NAALADL2: variants seen among roughly 807,000 people sequenced by gnomAD.
NAALADL2 encodes inactive N-acetylated-alpha-linked acidic dipeptidase-like protein 2.
A neutral mutation model predicts 87.2 loss-of-function variants in NAALADL2; 76 were observed. The observed-to-expected ratio is 0.87, with a 90% confidence interval of 0.72 to 1.05. NAALADL2 has a LOEUF of 1.05. Among genes scored for constraint, NAALADL2 ranks in the 50% least tolerant of loss-of-function variants. The pLI, the probability that NAALADL2 is intolerant of heterozygous loss-of-function variation, is 0.00. For synonymous variants in NAALADL2, 354 were observed against 331.0 expected (o/e 1.07, Z -0.75); for missense variants, 1,089 against 945.8 (o/e 1.15, Z -1.99).
At chr3:174,710,634 G>C (rs1730539770) in intron 2 of NAALADL2, among the ~76,000 whole-genome samples, 1 of 152,136 alleles carries the variant, frequency 6.6e-6, no homozygotes, top group African/African-American at 2.4e-5. Context: ...AAAGATTTCA[G>C]GCAAAACTGC....
At chr3:175,625,054 G>T (rs745811973) in intron 10 of NAALADL2, among the ~76,000 whole-genome samples, 3 of 151,926 alleles carry the variant, frequency 2.0e-5, no homozygotes, top group Non-Finnish European at 4.4e-5. Flanking sequence ...TCTCTTCCAA[G>T]TCTAAAATAA....
intron 2 of NAALADL2, among the ~76,000 whole-genome samples, chr3:174,657,095 T>C (rs1214742134): frequency 6.7e-6 from 1 of 148,518 alleles, no homozygotes; most frequent in Non-Finnish European, 1.5e-5. Context: ...AACGGTGTGA[T>C]CTTTGCTCAC....
chr3:174,957,666 G>A (rs1447582259), intron 1 of NAALADL2, among the ~76,000 whole-genome samples: 2 of 151,000 alleles, frequency 1.3e-5, no homozygotes, highest in Non-Finnish European at 3.0e-5. Context: ...TGTAATATTT[G>A]CCTCTTTGAT....
chr3:174,780,923 T>A lies in NAALADL2; in HGVS notation c.-9+43177T>A, dbSNP rs958189851. On this transcript the variant is annotated intron_variant, in intron 3 of 3. Transcript: ENST00000434257. ...TTTTTTCAGTGGCTGGTACCGGTTT[T>A]TCCTTTCCATGTTTAGTGCTTCCCT... 3.3e-5 allele frequency among the ~76,000 whole-genome samples: 5 copies of A among 152,118 alleles called. No homozygotes were observed. The East Asian group carries it at 9.6e-4, about 29-fold the overall frequency.
intron 1 of NAALADL2, among the ~76,000 whole-genome samples, chr3:174,981,523 C>A (rs547962100): frequency 1.3e-5 from 2 of 152,164 alleles, no homozygotes; most frequent in African/African-American, 4.8e-5. Context: ...GTACTTGGTT[C>A]TGAAAGAGTA....
intron 9 of NAALADL2, among the ~76,000 whole-genome samples, chr3:175,512,237 C>CA (rs1230659950): frequency 2.0e-5 from 3 of 151,972 alleles, no homozygotes; most frequent in African/African-American, 7.2e-5. Context: ...GAGACAGTTT[C>CA]AAAAACAAAA....
At position 175,496,120 on chromosome 3, in the gene NAALADL2, A is replaced by G. The variant is rs79757816; in HGVS notation, c.1653+24362A>G. Among the ~76,000 whole-genome samples, 13 of 152,252 alleles carry G rather than the reference A, an allele frequency of 8.5e-5. No homozygotes were observed. The East Asian group carries it at 2.5e-3, about 29-fold the overall frequency. ...CAGTCATTAATATGAGATAATGCAA[A>G]TAGTAAGTAAATTTAAATATTAAAA... On this transcript the variant is annotated intron_variant, in intron 9 of 13. Coordinates refer to ENST00000454872, the MANE Select transcript of NAALADL2 (RefSeq NM_207015.3).
Position 174,692,476 on chromosome 3 carries a change from T to C in NAALADL2, c.-114-45165T>C, listed in dbSNP as rs1728666135. 2.6e-5 allele frequency among the ~76,000 whole-genome samples: 4 copies of C among 152,170 alleles called. No homozygotes were observed. In the South Asian group the frequency reaches 8.3e-4, roughly 31 times the overall value. On this transcript the variant is annotated intron_variant, in intron 2 of 3. Coordinates refer to the NAALADL2 transcript ENST00000434257. Reference sequence around the variant, plus strand: ...TTATACAAACTTAAAACAATTTCCATAAACTTTGGCTATTTTTTTGTAATT... The same window carrying C: ...TTATACAAACTTAAAACAATTTCCACAAACTTTGGCTATTTTTTTGTAATT...
intron 1 of NAALADL2, among the ~76,000 whole-genome samples, chr3:174,873,679 T>G (rs1460429886): frequency 6.6e-6 from 1 of 152,122 alleles, no homozygotes. Flanking sequence ...TTTTACATTT[T>G]GAGTCAAATG....
intron 1 of NAALADL2, among the ~76,000 whole-genome samples, chr3:174,530,763 C>G (rs1380852213): frequency 6.6e-6 from 1 of 152,154 alleles, no homozygotes; most frequent in Non-Finnish European, 1.5e-5. Flanking sequence ...CCGGGTCCCT[C>G]CCACAACACG....
intron 1 of NAALADL2, among the ~76,000 whole-genome samples, chr3:174,502,180 C>T (rs2108371214): frequency 6.6e-6 from 1 of 152,210 alleles, no homozygotes; most frequent in South Asian, 2.1e-4. Context: ...CATTATTTTC[C>T]CATGATAGCC....
At chr3:175,166,372 T>A (rs1025296232) in intron 2 of NAALADL2, among the ~76,000 whole-genome samples, 1 of 152,108 alleles carries the variant, frequency 6.6e-6, no homozygotes, top group Non-Finnish European at 1.5e-5. Flanking sequence ...TTCCCATTCA[T>A]TCTTTGCTCT....
At chr3:175,360,816 GTGTGTGTGTA>G (rs1481976015) in intron 5 of NAALADL2, among the ~76,000 whole-genome samples, 1,184 of 103,714 alleles carry the variant, frequency 0.011, 18 homozygotes, top group African/African-American at 0.045. Context: ...TCCACTGTGT[GTGTGTGTGTA>G]TGTGTGTGTG....
chr3:175,124,992 T>A (rs1686767782), intron 2 of NAALADL2, among the ~76,000 whole-genome samples: 2 of 151,398 alleles, frequency 1.3e-5, no homozygotes, highest in Admixed American at 6.6e-5. Context: ...GTGAAATGAG[T>A]CAGAAAAATA....
chr3:175,467,511 C>T lies in NAALADL2; in HGVS notation c.1533+327C>T, dbSNP rs1010745994. On this transcript the variant is annotated intron_variant, in intron 8 of 13. Coordinates refer to ENST00000454872, the MANE Select transcript of NAALADL2 (RefSeq NM_207015.3). ...CTGGACAAAAAAGGATCAGATGATACTTATTATTTTTCTTTTTCTACACTT... is the reference window on the plus strand; with the variant it reads ...CTGGACAAAAAAGGATCAGATGATATTTATTATTTTTCTTTTTCTACACTT... 8.5e-5 allele frequency among the ~76,000 whole-genome samples: 13 copies of T among 152,278 alleles called. No homozygotes were observed. The East Asian group carries it at 1.4e-3, about 16-fold the overall frequency.
chr3:174,575,736 A>G (rs1165840878), intron 2 of NAALADL2, among the ~76,000 whole-genome samples: 1 of 152,200 alleles, frequency 6.6e-6, no homozygotes, highest in Non-Finnish European at 1.5e-5. Context: ...TGTGTAAGAA[A>G]AAATGTAGGT....
intron 1 of NAALADL2, among the ~76,000 whole-genome samples, chr3:174,481,829 T>G (rs1266504702): frequency 6.6e-6 from 1 of 152,104 alleles, no homozygotes; most frequent in Non-Finnish European, 1.5e-5. Context: ...TGAAATGTTA[T>G]CTACCAAGGA....
At chr3:175,642,191 G>A (rs948749652) in intron 11 of NAALADL2, among the ~76,000 whole-genome samples, 2 of 152,052 alleles carry the variant, frequency 1.3e-5, no homozygotes, top group Non-Finnish European at 2.9e-5. Flanking sequence ...TCCTCTAAAT[G>A]CATCCTTAAA....
intron 1 of NAALADL2, among the ~76,000 whole-genome samples, chr3:175,006,903 T>C (rs1198143071): frequency 6.6e-6 from 1 of 151,518 alleles, no homozygotes; most frequent in Non-Finnish European, 1.5e-5. Context: ...TATATAGCTT[T>C]GTAAGGAGGA....
Sources: gnomAD v4.1 joint callset for allele counts (sites outside exome capture counted in the v4.1 genomes callset) on GRCh38, gnomAD v4.1.1 for gene constraint, MANE v1.5 for transcripts, NCBI Gene and HGNC (gene_info 2026-07-23, HGNC 2026-07-21) for gene names.